APMAP: variants seen among roughly 807,000 people sequenced by gnomAD.
APMAP encodes the protein adipocyte plasma membrane-associated protein.
Under a neutral mutation model 43.6 loss-of-function variants are expected in APMAP, and 33 were observed. That is an observed-to-expected ratio of 0.76 (90% confidence interval 0.57 to 1.01). The LOEUF (loss-of-function observed/expected upper bound fraction) is 1.01. Among genes scored for constraint, APMAP ranks in the 50% least tolerant of loss-of-function variants. The pLI is 0.00. For synonymous variants in APMAP, 224 were observed against 216.7 expected (o/e 1.03, Z -0.30); for missense variants, 498 against 540.7 (o/e 0.92, Z 0.78).
At chr20:24,977,096 A>G (rs372102864) in intron 3 of APMAP, among the ~76,000 whole-genome samples, 14 of 152,368 alleles carry the variant, frequency 9.2e-5, no homozygotes, top group Admixed American at 4.6e-4. Context: ...GTAAGATACC[A>G]TAACAGTGGA....
chr20:24,971,270 G>T (rs1351099118), intron 5 of APMAP, among the ~76,000 whole-genome samples, 190 bp downstream of exon 5: 1 of 152,172 alleles, frequency 6.6e-6, no homozygotes, highest in Non-Finnish European at 1.5e-5. Flanking sequence ...ATGGAATCAT[G>T]GGTAGGGAGT....
chr20:24,964,039 T>G lies in APMAP; in HGVS notation c.1042-17A>C. ...ACTAAAGAGCTAGAGGGAAGCACAG[T>G]GCAGGGAAAGTTCACCAGCTGGCCA... is the stretch of plus-strand genomic sequence containing the variant. On this transcript the variant is annotated splice_polypyrimidine_tract_variant and intron_variant, in intron 8 of 8. Transcript: ENST00000217456. The G allele has an allele frequency of 6.2e-7, 1 of 1,613,002 alleles. No homozygotes were observed. Among genetic ancestry groups the G allele is most frequent in the Non-Finnish European group, 8.5e-7 (1 of 1,179,092 alleles).
intron 8 of APMAP, among the ~76,000 whole-genome samples, chr20:24,968,309 A>T (rs6050216): frequency 0.09 from 13,648 of 152,150 alleles, 693 homozygotes; most frequent in Middle Eastern, 0.12. Flanking sequence ...ACTTTTTTTT[A>T]AAAAGGGAAA....
intron 6 of APMAP, 56 bp downstream of exon 6, chr20:24,970,141 A>C: frequency 6.3e-7 from 1 of 1,595,102 alleles, no homozygotes; most frequent in Non-Finnish European, 8.6e-7. Flanking sequence ...GCTCTGCTGA[A>C]GCAACTGGCC....
intron 8 of APMAP, among the ~76,000 whole-genome samples, chr20:24,964,732 C>T (rs2087929136): frequency 6.6e-6 from 1 of 152,306 alleles, no homozygotes; most frequent in East Asian, 1.9e-4. Flanking sequence ...TATGACAAAG[C>T]ACTCCACTGC....
chr20:24,968,532 G>A (rs1355479074), intron 8 of APMAP, among the ~76,000 whole-genome samples: 1 of 152,166 alleles, frequency 6.6e-6, no homozygotes, highest in East Asian at 1.9e-4. Context: ...AGAAGGCCTG[G>A]CAAAGCCATG....
intron 1 of APMAP, among the ~76,000 whole-genome samples, chr20:24,984,796 GGCAAACAAGTGAAA>G (rs1461240094): frequency 6.6e-6 from 1 of 152,160 alleles, no homozygotes; most frequent in Non-Finnish European, 1.5e-5. Flanking sequence ...TCTCTCATCT[GGCAAACAAGTGAAA>G]GCATTTGGCC....
Position 24,968,764 on chromosome 20 carries a change from T to C in APMAP, c.1041+128A>G, listed in dbSNP as rs1241171744. The C allele has an allele frequency of 3.4e-6, 3 of 879,192 alleles. No homozygotes were observed. The Admixed American group carries it at 1.0e-4, about 30-fold the overall frequency. The allele number at this position is 879,192 out of a possible 1,614,324, so 54.5% of individuals were successfully genotyped here. On this transcript the variant is annotated intron_variant, in intron 8 of 8. Coordinates refer to ENST00000217456, the MANE Select transcript of APMAP (RefSeq NM_020531.3). ...CTGCATTTCAGGATGAAGAATGAAATGTGTTTCTAAGTGTCATTCAGAGCC... is the reference window on the plus strand; with the variant it reads ...CTGCATTTCAGGATGAAGAATGAAACGTGTTTCTAAGTGTCATTCAGAGCC...
chr20:24,976,794 A>C (rs1047446127), intron 3 of APMAP, among the ~76,000 whole-genome samples: 3 of 152,272 alleles, frequency 2.0e-5, no homozygotes, highest in Non-Finnish European at 2.9e-5. Flanking sequence ...GATGTACTTC[A>C]GTAGGTAACT....
At chr20:24,979,236 C>T (rs540748053) in intron 2 of APMAP, among the ~76,000 whole-genome samples, 1 of 152,324 alleles carries the variant, frequency 6.6e-6, no homozygotes, top group East Asian at 1.9e-4. Flanking sequence ...CCTACAGCCA[C>T]TGGAGTCTAC....
intron 5 of APMAP, among the ~76,000 whole-genome samples, chr20:24,971,142 C>T (rs1184428672): frequency 1.3e-5 from 2 of 151,986 alleles, no homozygotes; most frequent in Admixed American, 1.3e-4. Context: ...ATAGACAAGA[C>T]GCAGAGAGAC....
At chr20:24,974,115 C>T (rs571645046) in intron 3 of APMAP, 104 of 160,070 alleles carry the variant, frequency 6.5e-4, no homozygotes, top group South Asian at 6.3e-3. Flanking sequence ...TGATTATATC[C>T]AACTAAAGGA....
At position 24,978,821 on chromosome 20, in the gene APMAP, C is replaced by T; in HGVS notation, c.274G>A (p.Glu92Lys). ...LHPNTKLRQA[E>K]RLFENQLVGP... ...ACAAGTTGATTTTCAAACAGCCTTT[C>T]TGCCTGTCGCAGCTTCGTATTTGGA... Residue 92 changes from glutamate (E) to lysine (K), a missense_variant, in exon 3 of 9, where the codon GAA (glutamate) becomes AAA (lysine). Glu to Lys is a moderately conservative substitution (Grantham distance 56). Coordinates refer to ENST00000217456, the MANE Select transcript of APMAP (RefSeq NM_020531.3). 1.2e-6 allele frequency: 2 copies of T among 1,606,494 alleles called. No individual in the cohort carries two copies. The highest frequency in any genetic ancestry group is 1.7e-6 in the Non-Finnish European group (2 of 1,175,290).
At chr20:24,978,744 C>G in intron 3 of APMAP, 23 bp downstream of exon 3, 1 of 1,311,188 alleles carries the variant, frequency 7.6e-7, no homozygotes, top group Non-Finnish European at 1.1e-6. Flanking sequence ...GAAGGCTCCC[C>G]CCCCACCCAA....
intron 8 of APMAP, among the ~76,000 whole-genome samples, chr20:24,967,251 C>T (rs1005378092): frequency 2.6e-5 from 4 of 152,188 alleles, no homozygotes; most frequent in African/African-American, 9.6e-5. Context: ...GCCGAGATCA[C>T]GCCACTGCAC....
At chr20:24,969,165 C>T in intron 7 of APMAP, 81 bp from the exon 8 acceptor site, 1 of 1,346,156 alleles carries the variant, frequency 7.4e-7, no homozygotes, top group South Asian at 1.5e-5. Context: ...CCAAACTGGT[C>T]TTGGTCCAAA....
chr20:24,983,988 AG>A lies in APMAP; in HGVS notation c.126del (p.Phe43SerfsTer2), dbSNP rs747737647. The A allele has an allele frequency of 9.9e-6, 16 of 1,613,816 alleles. No homozygotes were observed. The highest frequency in any genetic ancestry group is 1.1e-5 in the Non-Finnish European group (13 of 1,179,892). ...GTGAGAGAAACAGCCAGCATCAAGA[AG>A]GTCACTCGGAAAACTCTGCCGCTAA... Reference protein sequence around the residue: ...SSFSGRVFRVTFLMLAVSLTV... With the variant: ...SSFSGRVFRVXFLMLAVSLTV... On this transcript the variant is annotated frameshift_variant, in exon 2 of 9. Transcript: ENST00000217456. LOFTEE classifies it high-confidence loss of function.
At chr20:24,965,301 T>C (rs2087932960) in intron 8 of APMAP, among the ~76,000 whole-genome samples, 1 of 152,258 alleles carries the variant, frequency 6.6e-6, no homozygotes, top group Non-Finnish European at 1.5e-5. Context: ...CCCCAGTCAC[T>C]GAGACAGCTT....
intron 2 of APMAP, 24 bp from the exon 3 acceptor site, chr20:24,978,906 G>A (rs1228050826): frequency 5.7e-6 from 9 of 1,566,124 alleles, no homozygotes; most frequent in African/African-American, 1.4e-5. Context: ...CAATTCCAGA[G>A]ATCTGTCTAT....
Sources: allele counts gnomAD v4.1 joint callset (sites outside exome capture counted in the v4.1 genomes callset), GRCh38; gene constraint gnomAD v4.1.1; transcripts MANE v1.5; gene names NCBI Gene and HGNC (gene_info 2026-07-23, HGNC 2026-07-21).